Variants in NCOA2 observed in about 807,000 individuals in gnomAD.
NCOA2 encodes the protein class E basic helix-loop-helix protein 75.
A neutral mutation model predicts 145.1 loss-of-function variants in NCOA2; 21 were observed. The observed-to-expected ratio is 0.14, with a 90% CI of 0.10 to 0.21. NCOA2 has a LOEUF of 0.21. Among genes scored for constraint, NCOA2 ranks in the 10% least tolerant of loss-of-function variants. The probability of loss-of-function intolerance (pLI) is 1.00; values close to 1 mark genes in which losing one functional copy is unlikely to be tolerated. For missense variants in NCOA2, 1,472 were observed against 1,837.6 expected (o/e 0.80, Z 3.64); for synonymous variants, 619 against 637.5 (o/e 0.97, Z 0.44).
chr8:70,338,601 A>G (rs1252492417), intron 1 of NCOA2, among the ~76,000 whole-genome samples: 2 of 152,216 alleles, frequency 1.3e-5, no homozygotes, highest in Non-Finnish European at 1.5e-5. Flanking sequence ...GGCCAGCATC[A>G]TCCTGATACC....
chr8:70,282,620 G>A (rs1285241058), intron 2 of NCOA2, among the ~76,000 whole-genome samples: 7 of 151,786 alleles, frequency 4.6e-5, no homozygotes, highest in African/African-American at 9.7e-5. Flanking sequence ...CCCGGAAGGC[G>A]GAGGTTGCAG....
intron 9 of NCOA2, among the ~76,000 whole-genome samples, chr8:70,160,686 A>AGAGAGAGAGAGG (rs1554579007): frequency 7.4e-5 from 11 of 147,790 alleles, no homozygotes; most frequent in African/African-American, 1.1e-4. Flanking sequence ...AGAGAGGGAG[A>AGAGAGAGAGAGG]GAGAGAGAGA....
At chr8:70,178,410 C>A (rs1279809914) in intron 4 of NCOA2, among the ~76,000 whole-genome samples, 7 of 152,118 alleles carry the variant, frequency 4.6e-5, no homozygotes, top group African/African-American at 1.4e-4. Context: ...CTGTTTTATT[C>A]TTTAAAATAG....
chr8:70,247,287 T>G (rs1304945225), intron 2 of NCOA2, among the ~76,000 whole-genome samples: 1 of 151,994 alleles, frequency 6.6e-6, no homozygotes, highest in Non-Finnish European at 1.5e-5. Flanking sequence ...ATTTCAGAGA[T>G]GAAGAAAATA....
rs754816909 is a variant in NCOA2 at position 70,141,170 on chromosome 8, T to C, written c.3028+14A>G. 6 of 1,611,358 alleles carry C rather than the reference T, an allele frequency of 3.7e-6. No homozygotes were observed. The Admixed American group carries it at 8.4e-5, about 23-fold the overall frequency. On this transcript the variant is annotated intron_variant, in intron 14 of 22. Coordinates refer to ENST00000452400, the MANE Select transcript of NCOA2 (RefSeq NM_006540.4). ...CATAAAAGTTAAAAGCAAACAGCAC[T>C]AGAGCCACCTTACCTATATTCATGA...
At chr8:70,193,207 C>T (rs1816882997) in intron 4 of NCOA2, among the ~76,000 whole-genome samples, 1 of 151,926 alleles carries the variant, frequency 6.6e-6, no homozygotes, top group South Asian at 2.1e-4. Context: ...GAGCTATATG[C>T]ACCACATAGA....
chr8:70,195,464 A>T (rs1419926801), intron 4 of NCOA2, among the ~76,000 whole-genome samples: 1 of 152,182 alleles, frequency 6.6e-6, no homozygotes, highest in Non-Finnish European at 1.5e-5. Context: ...AACACTCTAT[A>T]GCTCCTGGCA....
intron 2 of NCOA2, among the ~76,000 whole-genome samples, chr8:70,244,674 A>G (rs892784336): frequency 2.6e-5 from 4 of 152,170 alleles, no homozygotes; most frequent in African/African-American, 9.6e-5. Flanking sequence ...TTATTCCTTA[A>G]TAATTAAGAT....
intron 21 of NCOA2, among the ~76,000 whole-genome samples, chr8:70,123,578 A>G (rs1046239470): frequency 4.6e-5 from 7 of 151,990 alleles, no homozygotes; most frequent in African/African-American, 1.7e-4. Flanking sequence ...AAGTACACTC[A>G]CTATTTCATC....
At chr8:70,340,024 G>A (rs1807982515) in intron 1 of NCOA2, among the ~76,000 whole-genome samples, 1 of 152,156 alleles carries the variant, frequency 6.6e-6, no homozygotes, top group Admixed American at 6.5e-5. Flanking sequence ...CAGGACATAA[G>A]CATGGGCAAA....
intron 1 of NCOA2, among the ~76,000 whole-genome samples, chr8:70,328,933 C>A (rs1806831330): frequency 6.6e-6 from 1 of 152,046 alleles, no homozygotes; most frequent in Admixed American, 6.6e-5. Context: ...GCTCAATATA[C>A]TTTATTCTCA....
chr8:70,192,305 T>A (rs1168148886), intron 4 of NCOA2, among the ~76,000 whole-genome samples: 1 of 152,080 alleles, frequency 6.6e-6, no homozygotes, highest in African/African-American at 2.4e-5. Flanking sequence ...CTGAATTTTG[T>A]GCTACAGCGG....
chr8:70,420,621 A>G, the NCOA2 span, among the ~76,000 whole-genome samples: 1 of 152,084 alleles, frequency 6.6e-6, no homozygotes, highest in Non-Finnish European at 1.5e-5. Context: ...GGGTGGCTGG[A>G]GACAGAAGTG....
At chr8:70,148,534 C>A in intron 11 of NCOA2, 51 bp from the exon 12 acceptor site, 1 of 1,524,370 alleles carries the variant, frequency 6.6e-7, no homozygotes, top group Non-Finnish European at 9.0e-7. Context: ...AGAGTAGACA[C>A]CACAAGCCCA....
chr8:70,174,389 T>C (rs896974625), intron 5 of NCOA2, among the ~76,000 whole-genome samples: 7 of 152,182 alleles, frequency 4.6e-5, no homozygotes, highest in African/African-American at 1.7e-4. Context: ...CCTGTATGTA[T>C]AGGCATTTGT....
intron 2 of NCOA2, among the ~76,000 whole-genome samples, chr8:70,220,682 T>C (rs1366876236): frequency 1.3e-5 from 2 of 152,228 alleles, no homozygotes; most frequent in Non-Finnish European, 2.9e-5. Flanking sequence ...AAATGTACTT[T>C]CATGGAATTC....
intron 15 of NCOA2, among the ~76,000 whole-genome samples, chr8:70,137,378 G>C (rs1003290969): frequency 8.6e-5 from 13 of 152,026 alleles, no homozygotes; most frequent in African/African-American, 3.1e-4. Flanking sequence ...CTCCTGTTTG[G>C]GCAACACTAA....
chr8:70,163,333 CT>C, intron 8 of NCOA2, 131 bp downstream of exon 8: 1 of 660,934 alleles, frequency 1.5e-6, no homozygotes, highest in Non-Finnish European at 2.6e-6. Context: ...CCTCCAACTC[CT>C]TGACATTTCT....
the NCOA2 span, among the ~76,000 whole-genome samples, chr8:70,428,564 C>T: frequency 3.3e-5 from 5 of 152,228 alleles, no homozygotes; most frequent in Non-Finnish European, 5.9e-5. Context: ...GTCAAGGCTG[C>T]GGTGAGCTGG....
Sources: gnomAD v4.1 joint callset for allele counts (sites outside exome capture counted in the v4.1 genomes callset) on GRCh38, gnomAD v4.1.1 for gene constraint, MANE v1.5 for transcripts, NCBI Gene and HGNC (gene_info 2026-07-23, HGNC 2026-07-21) for gene names.